Variants in SAMD5 observed in about 807,000 individuals in gnomAD.
SAMD5 encodes sterile alpha motif domain containing 5.
SAMD5 carries 13 observed loss-of-function variants against 11.3 expected under a neutral mutation model. The observed-to-expected ratio is 1.15, with a 90% CI of 0.75 to 1.83. The LOEUF (loss-of-function observed/expected upper bound fraction) is 1.83. SAMD5 is among the 40% of genes most tolerant of loss of function. The pLI, the probability that SAMD5 is intolerant of heterozygous loss-of-function variation, is 0.00. For missense variants in SAMD5, 255 were observed against 239.1 expected (o/e 1.07, Z -0.44); for synonymous variants, 129 against 111.3 (o/e 1.16, Z -1.00).
Position 147,566,440 on chromosome 6 carries a change from G to C in SAMD5, c.*1984G>C. On this transcript the variant is annotated 3_prime_UTR_variant, in exon 2 of 2. Coordinates refer to ENST00000367474, the MANE Select transcript of SAMD5 (RefSeq NM_001030060.3). ...ATTTCCAGGTGTCGCATCCGTGGCT[G>C]ATTTATTTCACAGATGTACATTTGC... 1 of 985,104 alleles carries C rather than the reference G, an allele frequency of 1.0e-6. No homozygotes were observed. The highest frequency in any genetic ancestry group is 1.2e-6 in the Non-Finnish European group (1 of 829,236). The allele number at this position is 985,104 out of a possible 1,614,324, so 61.0% of individuals were successfully genotyped here.
At chr6:147,558,330 T>C (rs1327559676) in intron 1 of SAMD5, among the ~76,000 whole-genome samples, 2 of 152,138 alleles carry the variant, frequency 1.3e-5, no homozygotes, top group African/African-American at 4.8e-5. Context: ...CACCATATTT[T>C]AACGAACTGC....
chr6:147,670,689 G>A (rs1423494667), intron 1 of SAMD5, among the ~76,000 whole-genome samples: 1 of 152,138 alleles, frequency 6.6e-6, no homozygotes, highest in African/African-American at 2.4e-5. Flanking sequence ...CCTTACCTCT[G>A]TCAGCCTTCT....
At chr6:147,924,304 G>GT in the SAMD5 span, among the ~76,000 whole-genome samples, 2 of 152,128 alleles carry the variant, frequency 1.3e-5, no homozygotes, top group Non-Finnish European at 2.9e-5. Flanking sequence ...AATCTACAGT[G>GT]TAAGAGAATC....
the SAMD5 span, among the ~76,000 whole-genome samples, chr6:147,807,279 A>G: frequency 6.6e-6 from 1 of 150,884 alleles, no homozygotes; most frequent in Non-Finnish European, 1.5e-5. Context: ...TTTTTTTTGT[A>G]CTTTTAGTAG....
the SAMD5 span, among the ~76,000 whole-genome samples, chr6:147,802,094 G>T: frequency 6.6e-6 from 1 of 152,246 alleles, no homozygotes. Flanking sequence ...CTGTTCATTA[G>T]CAGACACAAG....
At chr6:147,882,020 C>T in the SAMD5 span, among the ~76,000 whole-genome samples, 7 of 152,204 alleles carry the variant, frequency 4.6e-5, no homozygotes, top group African/African-American at 1.2e-4. Context: ...GTTTTTCTTC[C>T]GATGAAAAGG....
chr6:147,636,557 A>G (rs1156603237), intron 1 of SAMD5, among the ~76,000 whole-genome samples: 1 of 152,274 alleles, frequency 6.6e-6, no homozygotes, highest in East Asian at 1.9e-4. Context: ...TAAAAATAAA[A>G]TATCTGTTGT....
At chr6:147,770,261 T>TA in the SAMD5 span, among the ~76,000 whole-genome samples, 4 of 150,522 alleles carry the variant, frequency 2.7e-5, no homozygotes, top group Admixed American at 6.6e-5. Context: ...TTAATTTTTT[T>TA]TAAAAAAAAT....
chr6:147,910,438 C>T, the SAMD5 span, among the ~76,000 whole-genome samples: 3 of 152,266 alleles, frequency 2.0e-5, no homozygotes, highest in South Asian at 2.1e-4. Flanking sequence ...TCTCTCCGGG[C>T]GCAGCGGTGC....
the SAMD5 span, among the ~76,000 whole-genome samples, chr6:147,800,995 A>T: frequency 3.9e-5 from 6 of 152,154 alleles, no homozygotes; most frequent in African/African-American, 1.4e-4. Context: ...TGAATATTAA[A>T]TTTTATTGTA....
the SAMD5 span, among the ~76,000 whole-genome samples, chr6:147,872,525 G>A: frequency 6.6e-6 from 1 of 152,166 alleles, no homozygotes; most frequent in Non-Finnish European, 1.5e-5. Context: ...TTACAAATGA[G>A]GAAACACATC....
Position 147,564,378 on chromosome 6 carries a change from A to G in SAMD5, c.460-16A>G, listed in dbSNP as rs761429747. 1.3e-5 allele frequency: 10 copies of G among 780,520 alleles called. No individual in the cohort carries two copies. In the East Asian group the frequency reaches 2.2e-4, roughly 17 times the overall value. The allele number at this position is 780,520 out of a possible 1,614,324, so 48.3% of individuals were successfully genotyped here. ...AAAGGAGAACTTCAATAACCCAGAT[A>G]TGTTCAAATCCACAGGTCCCAATGG... is the stretch of plus-strand genomic sequence containing the variant. On this transcript the variant is annotated splice_polypyrimidine_tract_variant and intron_variant, in intron 1 of 1. Coordinates refer to ENST00000367474, the MANE Select transcript of SAMD5 (RefSeq NM_001030060.3).
the SAMD5 span, among the ~76,000 whole-genome samples, chr6:147,817,286 G>A: frequency 0.015 from 2,322 of 152,322 alleles, 67 homozygotes; most frequent in African/African-American, 0.053. Flanking sequence ...TGGCCCAGCT[G>A]TGCATACAGT....
At chr6:147,816,574 A>G in the SAMD5 span, among the ~76,000 whole-genome samples, 1 of 151,878 alleles carries the variant, frequency 6.6e-6, no homozygotes, top group Non-Finnish European at 1.5e-5. Flanking sequence ...GTTATTTTGG[A>G]CACTGTATTA....
chr6:147,510,282 T>A (rs1468887447), intron 1 of SAMD5, among the ~76,000 whole-genome samples: 1 of 152,196 alleles, frequency 6.6e-6, no homozygotes, highest in Non-Finnish European at 1.5e-5. Context: ...AAAATGGTAC[T>A]TCACACCAGA....
the SAMD5 span, among the ~76,000 whole-genome samples, chr6:147,858,392 GTTTAA>G: frequency 6.6e-6 from 1 of 152,064 alleles, no homozygotes; most frequent in Non-Finnish European, 1.5e-5. Context: ...GGTAAGAATT[GTTTAA>G]TTTGGGCTTT....
chr6:147,679,771 G>T (rs1353974183), intron 1 of SAMD5, among the ~76,000 whole-genome samples: 1 of 149,108 alleles, frequency 6.7e-6, no homozygotes, highest in Non-Finnish European at 1.5e-5. Flanking sequence ...GTTTTATTTT[G>T]AACTATTGTG....
intron 1 of SAMD5, among the ~76,000 whole-genome samples, chr6:147,628,638 G>A (rs573026117): frequency 5.9e-5 from 9 of 151,760 alleles, no homozygotes; most frequent in Non-Finnish European, 1.0e-4. Context: ...TCAACAATCC[G>A]TTGAACAGAA....
intron 1 of SAMD5, chr6:147,675,996 C>G (rs778035473): frequency 6.6e-6 from 1 of 152,154 alleles, no homozygotes; most frequent in Non-Finnish European, 1.5e-5. Flanking sequence ...TACCTTTTAA[C>G]TGTTTATTTT....
Sources: gnomAD v4.1 joint callset for allele counts (sites outside exome capture counted in the v4.1 genomes callset) on GRCh38, gnomAD v4.1.1 for gene constraint, MANE v1.5 for transcripts, NCBI Gene and HGNC (gene_info 2026-07-23, HGNC 2026-07-21) for gene names.